NADSYN1: variants seen among roughly 807,000 people sequenced by gnomAD.
The protein encoded by NADSYN1 is NAD synthetase 1.
In NADSYN1, 80 loss-of-function variants were observed where a neutral mutation model predicts 99.3. The observed-to-expected ratio is 0.81, with a 90% confidence interval of 0.67 to 0.97. NADSYN1 has a LOEUF of 0.97. Among genes scored for constraint, NADSYN1 ranks in the 50% least tolerant of loss-of-function variants. The pLI is 0.00. For missense variants in NADSYN1, 859 were observed against 948.5 expected, an observed-to-expected ratio of 0.91 and a Z score of 1.24; for synonymous variants, 385 against 372.1, an observed-to-expected ratio of 1.03 and a Z score of -0.40.
chr11:71,495,972 C>G (rs535964655), intron 18 of NADSYN1, among the ~76,000 whole-genome samples: 6 of 152,168 alleles, frequency 3.9e-5, no homozygotes, highest in Non-Finnish European at 7.3e-5. Flanking sequence ...GCATTTGTTG[C>G]CTGGCGCTGT....
At chr11:71,494,717 G>A (rs761001049) in intron 18 of NADSYN1, among the ~76,000 whole-genome samples, 1 of 151,984 alleles carries the variant, frequency 6.6e-6, no homozygotes, top group Non-Finnish European at 1.5e-5. Context: ...CTCCACGCCT[G>A]GCTAATTTTG....
At chr11:71,495,426 C>T (rs12577807) in intron 18 of NADSYN1, among the ~76,000 whole-genome samples, 1 of 152,170 alleles carries the variant, frequency 6.6e-6, no homozygotes, top group Admixed American at 6.5e-5. Flanking sequence ...AGGCTTCTCT[C>T]GTGGCTCAGC....
chr11:71,473,651 A>G lies in NADSYN1; in HGVS notation c.631A>G (p.Thr211Ala), dbSNP rs1483363840. ...GSHQVLRKAN[T>A]RVDLVTMVTS... is the part of the protein sequence containing the mutation. Reference sequence around the variant, plus strand: ...CCACCAAGTGCTGCGCAAAGCCAACACCAGGGTGGATCTCGTGACTATGGT... The same window carrying G: ...CCACCAAGTGCTGCGCAAAGCCAACGCCAGGGTGGATCTCGTGACTATGGT... Residue 211 changes from threonine (T) to alanine (A), a missense_variant, in exon 8 of 21, where the codon ACC (threonine) becomes GCC (alanine). By Grantham distance (58) the Thr-to-Ala change is moderately conservative. Transcript: ENST00000319023. 4 of 1,613,092 alleles carry G rather than the reference A, an allele frequency of 2.5e-6. No homozygotes were observed. In the Admixed American group the frequency reaches 6.7e-5, roughly 27 times the overall value.
intron 18 of NADSYN1, chr11:71,497,120 C>A: frequency 3.6e-6 from 1 of 278,706 alleles, no homozygotes; most frequent in South Asian, 4.2e-5. Context: ...TCAAGCAGTC[C>A]TCCCACCTCG....
At chr11:71,493,708 T>C (rs539536412) in intron 18 of NADSYN1, among the ~76,000 whole-genome samples, 1 of 152,226 alleles carries the variant, frequency 6.6e-6, no homozygotes, top group East Asian at 1.9e-4. Context: ...CTTCCAAGAG[T>C]TTTATAGTTT....
At chr11:71,481,028 C>A in intron 11 of NADSYN1, 149 bp downstream of exon 11, 1 of 1,097,238 alleles carries the variant, frequency 9.1e-7, no homozygotes, top group Non-Finnish European at 1.3e-6. Flanking sequence ...GGGTTGAGGG[C>A]GTGGATGCTA....
chr11:71,481,850 T>C, intron 12 of NADSYN1, 73 bp from the exon 13 acceptor site: 2 of 1,378,876 alleles, frequency 1.5e-6, no homozygotes. Flanking sequence ...GGTCTATGGG[T>C]GGAGCTTGGC....
intron 9 of NADSYN1, chr11:71,476,651 G>A (rs1234496111): frequency 4.1e-6 from 4 of 986,004 alleles, no homozygotes; most frequent in Admixed American, 6.1e-5. Context: ...CATTAACCGC[G>A]ACAGAGCTGG....
rs765480234 is a variant in NADSYN1 at position 71,490,891 on chromosome 11, A to T, written c.1609A>T (p.Asn537Tyr). 25 of 1,614,026 alleles carry T rather than the reference A, an allele frequency of 1.5e-5. No individual in the cohort carries two copies. Among genetic ancestry groups the T allele is most frequent in the Non-Finnish European group, 1.9e-5 (23 of 1,180,012 alleles). The change falls in exon 17 of 21, where the codon AAC (asparagine) becomes TAC (tyrosine). Residue 537 changes from asparagine (N) to tyrosine (Y), a missense_variant. Coordinates refer to ENST00000319023, the MANE Select transcript of NADSYN1 (RefSeq NM_018161.5). Reference sequence around the variant, plus strand: ...GTACGACTGCTCCAGTGCGGACATCAACCCCATAGGCGGGATCAGCAAGAC... The same window carrying T: ...GTACGACTGCTCCAGTGCGGACATCTACCCCATAGGCGGGATCAGCAAGAC... ...TKYDCSSADINPIGGISKTDL... is the reference protein window; with the variant it reads ...TKYDCSSADIYPIGGISKTDL...
At chr11:71,461,417 T>C (rs534532500) in intron 3 of NADSYN1, among the ~76,000 whole-genome samples, 1 of 152,278 alleles carries the variant, frequency 6.6e-6, no homozygotes, top group East Asian at 1.9e-4. Context: ...TGCTACACAC[T>C]TTTTTATTTA....
At chr11:71,462,423 C>T (rs974750317) in intron 3 of NADSYN1, among the ~76,000 whole-genome samples, 1 of 152,162 alleles carries the variant, frequency 6.6e-6, no homozygotes, top group Non-Finnish European at 1.5e-5. Flanking sequence ...CCTGGAAGCC[C>T]GTCCCTGGCC....
chr11:71,457,578 G>A (rs923977030), intron 2 of NADSYN1, among the ~76,000 whole-genome samples: 4 of 152,202 alleles, frequency 2.6e-5, no homozygotes, highest in Non-Finnish European at 5.9e-5. Flanking sequence ...ACAAACTAGA[G>A]GCTTAAAGCA....
chr11:71,501,597 A>C lies in NADSYN1; in HGVS notation c.*245A>C. 1.9e-6 allele frequency: 1 copy of C among 522,720 alleles called. No individual in the cohort carries two copies. The allele number at this position is 522,720 out of a possible 1,614,324, so 32.4% of individuals were successfully genotyped here. On this transcript the variant is annotated 3_prime_UTR_variant, in exon 21 of 21. Coordinates refer to ENST00000319023, the MANE Select transcript of NADSYN1 (RefSeq NM_018161.5). ...CCCGCCAGCGTGCGCTTCCCCGCGAAGTCTGGCATTCTCCGAAGGAAGCCG... is the reference window on the plus strand; with the variant it reads ...CCCGCCAGCGTGCGCTTCCCCGCGACGTCTGGCATTCTCCGAAGGAAGCCG...
rs1031410315 is a variant in NADSYN1 at position 71,458,329 on chromosome 11, C to T, written c.147-99C>T. 3.8e-5 allele frequency: 32 copies of T among 853,082 alleles called. 1 individual carries two copies. Among genetic ancestry groups the T allele is most frequent in the South Asian group, 3.1e-4 (21 of 67,242 alleles). The allele number at this position is 853,082 out of a possible 1,614,324, so 52.8% of individuals were successfully genotyped here. A position where few individuals can be genotyped will look rare whatever the true frequency, so the allele number is the denominator to read the frequency against. ...AGGCTTTGAGAAAACACCTGAGCCC[C>T]GGCCCCCAGACACGTTCAGACTGGA... On this transcript the variant is annotated intron_variant, in intron 2 of 20. Coordinates refer to ENST00000319023, the MANE Select transcript of NADSYN1 (RefSeq NM_018161.5).
chr11:71,475,141 T>A (rs1394319758), intron 9 of NADSYN1: 1 of 164,678 alleles, frequency 6.1e-6, no homozygotes, highest in Non-Finnish European at 1.4e-5. Flanking sequence ...GCAGGCTCCA[T>A]GGCCCCTGAG....
intron 13 of NADSYN1, 36 bp from the exon 14 acceptor site, chr11:71,482,809 CTCAG>C: frequency 6.2e-7 from 1 of 1,605,728 alleles, no homozygotes; most frequent in Non-Finnish European, 8.5e-7. Flanking sequence ...ATCCCACACA[CTCAG>C]GTGACTTCCA....
intron 16 of NADSYN1, among the ~76,000 whole-genome samples, chr11:71,488,363 G>C (rs1048104687): frequency 1.3e-5 from 2 of 152,030 alleles, no homozygotes; most frequent in African/African-American, 4.8e-5. Context: ...GGGCCCTACT[G>C]AGAAGTGGGT....
intron 1 of NADSYN1, among the ~76,000 whole-genome samples, chr11:71,454,029 A>T (rs1001832120): frequency 6.6e-6 from 1 of 152,064 alleles, no homozygotes; most frequent in Admixed American, 6.5e-5. Flanking sequence ...GTTCATATGG[A>T]CGCACCGTGG....
chr11:71,464,727 C>G (rs1252272545), intron 5 of NADSYN1, among the ~76,000 whole-genome samples: 1 of 151,712 alleles, frequency 6.6e-6, no homozygotes, highest in Non-Finnish European at 1.5e-5. Flanking sequence ...ATTAGCTGGG[C>G]GTGGTGGTGG....
Sources: allele counts gnomAD v4.1 joint callset (sites outside exome capture counted in the v4.1 genomes callset), GRCh38; gene constraint gnomAD v4.1.1; transcripts MANE v1.5; gene names NCBI Gene and HGNC (gene_info 2026-07-23, HGNC 2026-07-21).